The following MSH3 variants were observed in gnomAD, a reference collection of about 807,000 sequenced individuals.
MSH3 encodes mutS homolog 3.
Under a neutral mutation model 123.3 loss-of-function variants are expected in MSH3, and 106 were observed. The observed-to-expected ratio is 0.86, with a 90% confidence interval of 0.73 to 1.01. MSH3 has a LOEUF of 1.01. MSH3 is among the 50% of genes least tolerant of loss of function. MSH3 has a pLI of 0.00. For missense variants in MSH3, 1,459 were observed against 1,347.6 expected (o/e 1.08, Z -1.29); for synonymous variants, 515 against 481.4 (o/e 1.07, Z -0.91).
At chr5:80,707,251 C>T (rs1038126228) in intron 8 of MSH3, among the ~76,000 whole-genome samples, 10 of 152,234 alleles carry the variant, frequency 6.6e-5, no homozygotes, top group African/African-American at 2.4e-4. Context: ...GCATCATATG[C>T]ATATACCAAC....
intron 8 of MSH3, among the ~76,000 whole-genome samples, chr5:80,711,505 A>G (rs1410539868): frequency 1.3e-5 from 2 of 152,066 alleles, no homozygotes; most frequent in Non-Finnish European, 2.9e-5. Flanking sequence ...CTGACTGTCA[A>G]ACTGGGTCTT....
At chr5:80,825,894 A>G (rs1264627239) in intron 20 of MSH3, among the ~76,000 whole-genome samples, 1 of 152,164 alleles carries the variant, frequency 6.6e-6, no homozygotes, top group African/African-American at 2.4e-5. Context: ...CCTGTTTACA[A>G]AAAGATTTGA....
intron 9 of MSH3, among the ~76,000 whole-genome samples, chr5:80,728,640 T>C (rs1180814308): frequency 1.3e-5 from 2 of 152,196 alleles, no homozygotes; most frequent in Non-Finnish European, 2.9e-5. Flanking sequence ...ATGCCCTTTT[T>C]TTCCATGCCC....
At chr5:80,823,465 G>A (rs550386972) in intron 20 of MSH3, among the ~76,000 whole-genome samples, 1 of 152,234 alleles carries the variant, frequency 6.6e-6, no homozygotes, top group African/African-American at 2.4e-5. Flanking sequence ...GACCTTACTT[G>A]TCCACAAAGT....
At chr5:80,777,982 AG>A (rs1237762937) in intron 16 of MSH3, among the ~76,000 whole-genome samples, 1 of 152,216 alleles carries the variant, frequency 6.6e-6, no homozygotes, top group Non-Finnish European at 1.5e-5. Flanking sequence ...CCCGTTTCAT[AG>A]ATGAGAAAAG....
intron 20 of MSH3, among the ~76,000 whole-genome samples, chr5:80,827,999 C>G (rs1205430374): frequency 2.0e-5 from 3 of 152,142 alleles, no homozygotes; most frequent in Non-Finnish European, 4.4e-5. Context: ...ACAGCCTCCC[C>G]CATTTTCAGC....
chr5:80,754,910 G>T lies in MSH3; in HGVS notation c.1764-6636G>T, dbSNP rs549017565. The stretch of plus-strand genomic sequence containing the variant: ...TTTCCTTCCACTTAACATTTAATTT[G>T]TGTTAATGAAACCAAATGTCACTTT... On this transcript the variant is annotated intron_variant, in intron 12 of 23. Coordinates refer to ENST00000265081, the MANE Select transcript of MSH3 (RefSeq NM_002439.5). Among the ~76,000 whole-genome samples the T allele has an allele frequency of 1.5e-3, 235 of 152,256 alleles. 1 individual carries two copies. The highest frequency in any genetic ancestry group is 5.5e-3 in the African/African-American group (227 of 41,542).
intron 19 of MSH3, among the ~76,000 whole-genome samples, chr5:80,807,862 C>T (rs1744920705): frequency 6.6e-6 from 1 of 152,138 alleles, no homozygotes; most frequent in South Asian, 2.1e-4. Flanking sequence ...ACATCTTTGG[C>T]ATGTGGGAGG....
At chr5:80,750,567 A>G (rs1365714208) in intron 12 of MSH3, among the ~76,000 whole-genome samples, 1 of 152,100 alleles carries the variant, frequency 6.6e-6, no homozygotes, top group East Asian at 1.9e-4. Flanking sequence ...ATTTTTAAAT[A>G]GGGTTATTTG....
chr5:80,732,892 A>G (rs1743436677), intron 10 of MSH3, among the ~76,000 whole-genome samples: 1 of 152,220 alleles, frequency 6.6e-6, no homozygotes, highest in South Asian at 2.1e-4. Context: ...GACAAAGGAC[A>G]TTTATGAAAA....
chr5:80,723,554 C>G (rs988608176), intron 8 of MSH3, among the ~76,000 whole-genome samples: 5 of 152,000 alleles, frequency 3.3e-5, no homozygotes, highest in African/African-American at 1.2e-4. Context: ...TAATAAAATA[C>G]TTAGCTGCTG....
At chr5:80,791,504 A>G (rs1744605370) in intron 18 of MSH3, among the ~76,000 whole-genome samples, 1 of 152,170 alleles carries the variant, frequency 6.6e-6, no homozygotes, top group African/African-American at 2.4e-5. Flanking sequence ...AGAATGTCTT[A>G]CCCATTTCAG....
intron 20 of MSH3, among the ~76,000 whole-genome samples, chr5:80,843,241 C>T (rs1745658555): frequency 1.3e-5 from 2 of 152,158 alleles, no homozygotes; most frequent in African/African-American, 2.4e-5. Flanking sequence ...GCCTTGCATC[C>T]CATAGATGAA....
intron 2 of MSH3, among the ~76,000 whole-genome samples, chr5:80,660,567 G>A (rs1049476968): frequency 6.6e-6 from 1 of 152,118 alleles, no homozygotes. Flanking sequence ...GGTAAACAAG[G>A]TAACTGTATA....
intron 20 of MSH3, among the ~76,000 whole-genome samples, chr5:80,830,858 T>C (rs1745404543): frequency 6.6e-6 from 1 of 152,240 alleles, no homozygotes; most frequent in Non-Finnish European, 1.5e-5. Context: ...TCCACGGAAA[T>C]TGAAAGATTG....
rs2112128948 is a variant in MSH3, at chr5:80,873,262, C to G, written c.3277C>G (p.Leu1093Val). 6.2e-7 allele frequency: 1 copy of G among 1,613,876 alleles called. No homozygotes were observed. The highest frequency in any genetic ancestry group is 2.2e-5 in the East Asian group (1 of 44,816). The part of the protein sequence containing the change: ...LKKAAHKSKE[L>V]EGLINTKRKR... ...GAAAGCAGCTCACAAGTCAAAAGAG[C>G]TGGAAGGATTAATAAATACGAAAAG... is the stretch of plus-strand genomic sequence containing the variant. Residue 1093 changes from leucine to valine, a missense_variant, in exon 23 of 24, where the codon CTG becomes GTG. Coordinates refer to ENST00000265081, the MANE Select transcript of MSH3 (RefSeq NM_002439.5).
At chr5:80,848,143 C>G (rs1178465308) in intron 20 of MSH3, among the ~76,000 whole-genome samples, 4 of 152,170 alleles carry the variant, frequency 2.6e-5, no homozygotes, top group African/African-American at 4.8e-5. Context: ...GTGGGAGGAT[C>G]ATCTGAGCAC....
At chr5:80,803,205 C>A (rs888928522) in intron 19 of MSH3, among the ~76,000 whole-genome samples, 6 of 152,108 alleles carry the variant, frequency 3.9e-5, no homozygotes, top group Non-Finnish European at 5.9e-5. Context: ...CAGTAGTGTA[C>A]AAGAGTTACC....
intron 8 of MSH3, among the ~76,000 whole-genome samples, chr5:80,701,639 T>C (rs2112838264): frequency 6.6e-6 from 1 of 152,348 alleles, no homozygotes; most frequent in South Asian, 2.1e-4. Context: ...TTTCACTTTC[T>C]ACCTGAAGTC....
Sources: allele counts gnomAD v4.1 joint callset (sites outside exome capture counted in the v4.1 genomes callset), GRCh38; gene constraint gnomAD v4.1.1; transcripts MANE v1.5; gene names NCBI Gene and HGNC (gene_info 2026-07-23, HGNC 2026-07-21).